Variants in SUMF1 observed in about 807,000 individuals in gnomAD.
SUMF1 encodes the protein formylglycine-generating enzyme.
Under a neutral mutation model 47.6 loss-of-function variants are expected in SUMF1, and 48 were observed. The observed-to-expected ratio is 1.01, with a 90% CI of 0.80 to 1.28. The LOEUF is 1.28. Among genes scored for constraint, SUMF1 ranks in the 50% most tolerant of loss-of-function variants. SUMF1 has a pLI of 0.00. For synonymous variants in SUMF1, 230 were observed against 192.1 expected (o/e 1.20, Z -1.63); for missense variants, 571 against 485.4 (o/e 1.18, Z -1.66).
intron 8 of SUMF1, among the ~76,000 whole-genome samples, chr3:4,249,788 GC>G (rs1696752263): frequency 6.6e-6 from 1 of 152,142 alleles, no homozygotes; most frequent in Admixed American, 6.5e-5. Flanking sequence ...TGAAAGCTAG[GC>G]CTCTTGTACC....
chr3:4,361,900 T>C lies in SUMF1; in HGVS notation c.*244A>G, dbSNP rs1699771443. ...TCAGGGTTCCCTCCACTCCCCTTCC[T>C]CTTTAAAGACTCTCAAAAGTAAAAT... is the stretch of plus-strand genomic sequence containing the variant. On this transcript the variant is annotated 3_prime_UTR_variant, in exon 9 of 9. Transcript: ENST00000272902. 8.1e-6 allele frequency: 4 copies of C among 493,146 alleles called. No individual in the cohort carries two copies. In the East Asian group the frequency reaches 1.1e-4, roughly 14 times the overall value. 30.5% of individuals were successfully genotyped at this position (493,146 alleles called of 1,614,324 possible). A position where few individuals can be genotyped will look rare whatever the true frequency, so the allele number is the denominator to read the frequency against.
intron 8 of SUMF1, among the ~76,000 whole-genome samples, chr3:4,085,236 G>A (rs1313598963): frequency 6.6e-6 from 1 of 152,068 alleles, no homozygotes; most frequent in African/African-American, 2.4e-5. Flanking sequence ...ATATGTGGCT[G>A]GGAACAATTA....
intron 7 of SUMF1, among the ~76,000 whole-genome samples, chr3:4,390,392 A>C (rs542171639): frequency 6.6e-6 from 1 of 152,308 alleles, no homozygotes; most frequent in East Asian, 1.9e-4. Flanking sequence ...CCTTTGCTGG[A>C]CAGTTTTTTC....
intron 8 of SUMF1, among the ~76,000 whole-genome samples, chr3:4,258,601 A>T (rs541444061): frequency 1.3e-5 from 2 of 152,174 alleles, no homozygotes; most frequent in Non-Finnish European, 2.9e-5. Flanking sequence ...ATCACTAAAA[A>T]ATCAGGAAAC....
At chr3:4,411,373 T>C (rs1057288413) in intron 6 of SUMF1, among the ~76,000 whole-genome samples, 1 of 152,136 alleles carries the variant, frequency 6.6e-6, no homozygotes, top group Non-Finnish European at 1.5e-5. Context: ...TCATCACAGC[T>C]CAGCTTTCCT....
At chr3:4,437,115 G>A (rs1222679844) in intron 3 of SUMF1, among the ~76,000 whole-genome samples, 2 of 152,188 alleles carry the variant, frequency 1.3e-5, no homozygotes, top group African/African-American at 4.8e-5. Context: ...CAGAATCCCT[G>A]AGACGCAGAA....
At chr3:4,043,635 A>C (rs1694950045) in intron 9 of SUMF1, among the ~76,000 whole-genome samples, 1 of 151,954 alleles carries the variant, frequency 6.6e-6, no homozygotes. Context: ...CCAAGCTCCT[A>C]TTTCCCCATC....
chr3:4,391,400 A>T (rs1367062532), intron 7 of SUMF1, among the ~76,000 whole-genome samples: 2 of 152,132 alleles, frequency 1.3e-5, no homozygotes, highest in Admixed American at 6.6e-5. Context: ...CCCTTTACAC[A>T]TGTGTTAAAA....
At chr3:4,252,611 G>T (rs1235451735) in intron 8 of SUMF1, among the ~76,000 whole-genome samples, 1 of 152,026 alleles carries the variant, frequency 6.6e-6, no homozygotes, top group African/African-American at 2.4e-5. Flanking sequence ...CTCAGAGAGA[G>T]AACAAAAAAC....
intron 9 of SUMF1, among the ~76,000 whole-genome samples, chr3:4,054,536 G>C (rs1044205361): frequency 1.3e-5 from 2 of 152,016 alleles, no homozygotes; most frequent in Non-Finnish European, 2.9e-5. Context: ...ATTTTATTCA[G>C]GTGTATGTTT....
intron 8 of SUMF1, among the ~76,000 whole-genome samples, chr3:4,208,775 G>A (rs1171039122): frequency 6.6e-6 from 1 of 151,856 alleles, no homozygotes; most frequent in Non-Finnish European, 1.5e-5. Context: ...TTTCCAAACT[G>A]AAAAGAAAAA....
intron 9 of SUMF1, among the ~76,000 whole-genome samples, chr3:4,052,609 G>A (rs317530): frequency 3.3e-5 from 5 of 151,966 alleles, no homozygotes; most frequent in African/African-American, 7.3e-5. Flanking sequence ...AATAAGTTAC[G>A]TTTAAGAAAA....
At chr3:4,395,352 T>TG (rs939900679) in intron 7 of SUMF1, among the ~76,000 whole-genome samples, 12 of 152,238 alleles carry the variant, frequency 7.9e-5, no homozygotes, top group African/African-American at 2.4e-4. Flanking sequence ...ATGTCCAACG[T>TG]GAAAAAATAT....
chr3:4,180,977 A>C (rs899596822), intron 8 of SUMF1, among the ~76,000 whole-genome samples: 5 of 152,228 alleles, frequency 3.3e-5, no homozygotes, highest in Non-Finnish European at 7.3e-5. Flanking sequence ...TAACCAAAAT[A>C]ATAACAATAC....
intron 3 of SUMF1, among the ~76,000 whole-genome samples, chr3:4,433,716 A>G (rs1389964315): frequency 6.6e-6 from 1 of 152,220 alleles, no homozygotes; most frequent in African/African-American, 2.4e-5. Context: ...TTCAAATGGC[A>G]TTCTTTCACA....
chr3:4,295,391 G>A lies in SUMF1; in HGVS notation c.1014+80939C>T, dbSNP rs117502559. On this transcript the variant is annotated intron_variant and NMD_transcript_variant, in intron 8 of 12. Coordinates refer to the SUMF1 transcript ENST00000448413. ...TTGGTAGATTGCTCTAAAATAGGACGCTTGTGGAACTAAACTTCATCTTTG... is the reference window on the plus strand; with the variant it reads ...TTGGTAGATTGCTCTAAAATAGGACACTTGTGGAACTAAACTTCATCTTTG... 7.1e-3 allele frequency among the ~76,000 whole-genome samples: 1,085 copies of A among 151,876 alleles called. 25 individuals are homozygous for A. Among genetic ancestry groups the A allele is most frequent in the East Asian group, 0.014 (72 of 5,150 alleles).
chr3:4,162,336 G>GT (rs1278755615), intron 8 of SUMF1, among the ~76,000 whole-genome samples: 1 of 152,144 alleles, frequency 6.6e-6, no homozygotes, highest in Non-Finnish European at 1.5e-5. Context: ...TAGGTTGCAT[G>GT]TCCCCCAGAT....
At chr3:4,190,346 T>C (rs1367465878) in intron 8 of SUMF1, among the ~76,000 whole-genome samples, 1 of 152,144 alleles carries the variant, frequency 6.6e-6, no homozygotes, top group East Asian at 1.9e-4. Flanking sequence ...AACGTGTCTG[T>C]AGGCAGCTCC....
chr3:4,298,140 G>A (rs954252050), intron 8 of SUMF1, among the ~76,000 whole-genome samples: 16 of 152,104 alleles, frequency 1.1e-4, no homozygotes, highest in African/African-American at 3.4e-4. Context: ...TCCAAAACCT[G>A]TTTATGGAAA....
Sources: gnomAD v4.1 joint callset for allele counts (sites outside exome capture counted in the v4.1 genomes callset) on GRCh38, gnomAD v4.1.1 for gene constraint, MANE v1.5 for transcripts, NCBI Gene and HGNC (gene_info 2026-07-23, HGNC 2026-07-21) for gene names.